GALNT13: variants seen among roughly 807,000 people sequenced by gnomAD.
GALNT13 encodes the protein UDP-GalNAc:polypeptide N-acetylgalactosaminyltransferase 13.
GALNT13 carries 28 observed loss-of-function variants against 64.2 expected under a neutral mutation model. The observed-to-expected ratio is 0.44, with a 90% CI of 0.32 to 0.60. The LOEUF (loss-of-function observed/expected upper bound fraction) is 0.60, where lower values mean the gene tolerates loss of function less well. GALNT13 is among the 20% of genes least tolerant of loss of function. The probability of loss-of-function intolerance (pLI) is 0.05; values close to 1 mark genes in which losing one functional copy is unlikely to be tolerated. For missense variants in GALNT13, 577 were observed against 669.8 expected, an observed-to-expected ratio of 0.86 and a Z score of 1.53; for synonymous variants, 214 against 224.6, an observed-to-expected ratio of 0.95 and a Z score of 0.42.
the GALNT13 span, among the ~76,000 whole-genome samples, chr2:153,721,313 G>A: frequency 2.3e-4 from 33 of 143,918 alleles, no homozygotes; most frequent in Middle Eastern, 0.01. Flanking sequence ...TGAAGGAAGC[G>A]CTAAACATGG....
the GALNT13 span, among the ~76,000 whole-genome samples, chr2:153,800,099 A>AC: frequency 4.2e-5 from 5 of 119,876 alleles, no homozygotes; most frequent in Non-Finnish European, 9.6e-5. Context: ...CCCCACCACC[A>AC]CACACACATG....
intron 3 of GALNT13, among the ~76,000 whole-genome samples, chr2:154,042,723 T>TATATATAG (rs59381330): frequency 2.1e-5 from 3 of 145,950 alleles, no homozygotes; most frequent in African/African-American, 7.5e-5. Flanking sequence ...TATATATATA[T>TATATATAG]TAGGTTTTCA....
the GALNT13 span, among the ~76,000 whole-genome samples, chr2:153,623,725 G>T: frequency 6.6e-6 from 1 of 151,796 alleles, no homozygotes; most frequent in Non-Finnish European, 1.5e-5. Flanking sequence ...TTATATAAAT[G>T]AAAATATTCA....
intron 4 of GALNT13, among the ~76,000 whole-genome samples, chr2:154,161,303 G>A (rs1257652584): frequency 6.6e-6 from 1 of 152,112 alleles, no homozygotes; most frequent in Admixed American, 6.5e-5. Flanking sequence ...CTGCTAGAAT[G>A]TATATTTCTT....
the GALNT13 span, among the ~76,000 whole-genome samples, chr2:153,373,681 A>G: frequency 6.2e-4 from 95 of 152,210 alleles, 1 homozygote; most frequent in African/African-American, 2.2e-3. Context: ...ATTCATCTTC[A>G]GAATATTCTT....
At chr2:153,973,140 T>A (rs1393041076) in intron 3 of GALNT13, among the ~76,000 whole-genome samples, 2 of 151,760 alleles carry the variant, frequency 1.3e-5, no homozygotes, top group Non-Finnish European at 2.9e-5. Flanking sequence ...GAAATAGAGA[T>A]ATGAGGAAAG....
chr2:153,660,052 G>T, the GALNT13 span, among the ~76,000 whole-genome samples: 1 of 152,122 alleles, frequency 6.6e-6, no homozygotes, highest in Non-Finnish European at 1.5e-5. Context: ...CCCTCTTCCT[G>T]GTACATATAT....
intron 3 of GALNT13, among the ~76,000 whole-genome samples, chr2:154,011,735 G>A (rs1696651314): frequency 6.6e-6 from 1 of 152,130 alleles, no homozygotes; most frequent in Admixed American, 6.6e-5. Context: ...CTTGTTTTAT[G>A]AATCCGTATA....
intron 3 of GALNT13, among the ~76,000 whole-genome samples, chr2:154,133,177 G>C (rs1054598555): frequency 1.3e-5 from 2 of 152,076 alleles, no homozygotes; most frequent in African/African-American, 4.8e-5. Flanking sequence ...TGATTGTACA[G>C]CAAATAGCTG....
At chr2:153,232,539 T>C in the GALNT13 span, among the ~76,000 whole-genome samples, 1 of 152,226 alleles carries the variant, frequency 6.6e-6, no homozygotes, top group Non-Finnish European at 1.5e-5. Context: ...AATCTTAATC[T>C]ATCTGCTCTC....
chr2:153,806,680 T>TAA, the GALNT13 span, among the ~76,000 whole-genome samples: 3,684 of 135,198 alleles, frequency 0.027, 58 homozygotes, highest in Middle Eastern at 0.031. Flanking sequence ...TGTCAATTTG[T>TAA]AAAAAAAAAA....
chr2:153,470,551 T>C, the GALNT13 span, among the ~76,000 whole-genome samples: 1 of 152,032 alleles, frequency 6.6e-6, no homozygotes, highest in Admixed American at 6.6e-5. Context: ...TCTTACCATG[T>C]GGAGAGAGAT....
chr2:153,909,994 A>G (rs1688831639), intron 2 of GALNT13, among the ~76,000 whole-genome samples: 1 of 151,586 alleles, frequency 6.6e-6, no homozygotes, highest in Non-Finnish European at 1.5e-5. Context: ...GAATAATTGC[A>G]CTAGGAATGG....
chr2:153,905,048 T>TA (rs1360941568), intron 2 of GALNT13, among the ~76,000 whole-genome samples: 1 of 151,978 alleles, frequency 6.6e-6, no homozygotes, highest in Non-Finnish European at 1.5e-5. Flanking sequence ...TAACTATGGC[T>TA]ACTTTTTAAA....
At chr2:153,633,012 C>T in the GALNT13 span, among the ~76,000 whole-genome samples, 5 of 152,074 alleles carry the variant, frequency 3.3e-5, no homozygotes, top group Admixed American at 1.3e-4. Context: ...CCACCCGCTT[C>T]GGCCTCCCAA....
At chr2:154,264,358 A>C (rs1373909766) in intron 8 of GALNT13, among the ~76,000 whole-genome samples, 1 of 151,848 alleles carries the variant, frequency 6.6e-6, no homozygotes, top group South Asian at 2.1e-4. Context: ...GTGGTGGCTC[A>C]TGCCTGTAAT....
chr2:153,482,122 A>T, the GALNT13 span, among the ~76,000 whole-genome samples: 1 of 152,210 alleles, frequency 6.6e-6, no homozygotes, highest in Admixed American at 6.5e-5. Flanking sequence ...TCACCCTTAG[A>T]TTATCCCTCC....
chr2:153,340,732 A>G, the GALNT13 span, among the ~76,000 whole-genome samples: 6 of 152,152 alleles, frequency 3.9e-5, no homozygotes, highest in Non-Finnish European at 5.9e-5. Context: ...AGATTTTACC[A>G]TTGAATATGA....
At chr2:153,617,785 G>A in the GALNT13 span, among the ~76,000 whole-genome samples, 1 of 151,652 alleles carries the variant, frequency 6.6e-6, no homozygotes, top group African/African-American at 2.4e-5. Context: ...AATCTTGTTA[G>A]GCTGTATGTG....
Sources: gnomAD v4.1 joint callset for allele counts (sites outside exome capture counted in the v4.1 genomes callset) on GRCh38, gnomAD v4.1.1 for gene constraint, MANE v1.5 for transcripts, NCBI Gene and HGNC (gene_info 2026-07-23, HGNC 2026-07-21) for gene names.